The following NAALADL2 variants were observed in gnomAD, a reference collection of about 807,000 sequenced individuals.
The protein encoded by NAALADL2 is inactive N-acetylated-alpha-linked acidic dipeptidase-like protein 2.
A neutral mutation model predicts 87.2 loss-of-function variants in NAALADL2; 76 were observed. The observed-to-expected ratio is 0.87, with a 90% CI of 0.72 to 1.05. The LOEUF (loss-of-function observed/expected upper bound fraction) is 1.05. Among genes scored for constraint, NAALADL2 ranks in the 50% least tolerant of loss-of-function variants. The probability of loss-of-function intolerance (pLI) is 0.00; values close to 1 mark genes in which losing one functional copy is unlikely to be tolerated. For missense variants in NAALADL2, 1,089 were observed against 945.8 expected, an observed-to-expected ratio of 1.15 and a Z score of -1.99; for synonymous variants, 354 against 331.0, an observed-to-expected ratio of 1.07 and a Z score of -0.75.
intron 9 of NAALADL2, among the ~76,000 whole-genome samples, chr3:175,558,194 C>CAAAAAAAAAAAAAAAAAAAA (rs71164638): frequency 1.2e-5 from 1 of 82,434 alleles, no homozygotes; most frequent in African/African-American, 4.6e-5. Context: ...GACCCCGTCT[C>CAAAAAAAAAAAAAAAAAAAA]AAAAAAAAAA....
chr3:174,991,268 C>G (rs1746704952), intron 1 of NAALADL2, among the ~76,000 whole-genome samples: 1 of 151,972 alleles, frequency 6.6e-6, no homozygotes. Context: ...AGACAATTTT[C>G]CTTGCTTTCA....
intron 1 of NAALADL2, among the ~76,000 whole-genome samples, chr3:174,870,367 T>C: frequency 6.6e-6 from 1 of 152,114 alleles, no homozygotes; most frequent in African/African-American, 2.4e-5. Context: ...TGTGTAACAT[T>C]AGGAAAGCAT....
intron 2 of NAALADL2, among the ~76,000 whole-genome samples, chr3:175,141,905 C>T (rs1730054717): frequency 6.6e-6 from 1 of 151,980 alleles, no homozygotes; most frequent in African/African-American, 2.4e-5. Flanking sequence ...ATTTGGAAGG[C>T]CAGCAGAATC....
intron 9 of NAALADL2, among the ~76,000 whole-genome samples, chr3:175,553,612 A>G (rs1714780500): frequency 6.6e-6 from 1 of 151,018 alleles, no homozygotes; most frequent in Non-Finnish European, 1.5e-5. Flanking sequence ...TGCTTCAAAA[A>G]GCACAGCTCC....
At chr3:174,892,091 CAAG>C (rs924856792) in intron 1 of NAALADL2, among the ~76,000 whole-genome samples, 3 of 152,036 alleles carry the variant, frequency 2.0e-5, no homozygotes, top group African/African-American at 7.2e-5. Context: ...AAAGTTTTCC[CAAG>C]AAGAACAGCT....
intron 11 of NAALADL2, among the ~76,000 whole-genome samples, chr3:175,635,408 A>G (rs897457193): frequency 6.6e-6 from 1 of 152,128 alleles, no homozygotes; most frequent in Non-Finnish European, 1.5e-5. Context: ...CTATTCTTTT[A>G]TCATACTTTT....
intron 9 of NAALADL2, among the ~76,000 whole-genome samples, chr3:175,493,083 A>G (rs536036377): frequency 2.6e-5 from 4 of 152,220 alleles, no homozygotes; most frequent in Admixed American, 6.5e-5. Flanking sequence ...ATAAATATGT[A>G]TGTATTTATA....
intron 1 of NAALADL2, among the ~76,000 whole-genome samples, chr3:175,018,267 A>C (rs1751108257): frequency 6.6e-6 from 1 of 152,040 alleles, no homozygotes; most frequent in Non-Finnish European, 1.5e-5. Flanking sequence ...TATCTTTTAT[A>C]AAGTCCTGTA....
At position 174,676,345 on chromosome 3, in the gene NAALADL2, A is replaced by G. The variant is rs1405107638; in HGVS notation, c.-114-61296A>G. Among the ~76,000 whole-genome samples the G allele has an allele frequency of 6.6e-5, 10 of 152,058 alleles. No homozygotes were observed. In the East Asian group the frequency reaches 1.9e-3, roughly 29 times the overall value. On this transcript the variant is annotated intron_variant, in intron 2 of 3. Coordinates refer to the NAALADL2 transcript ENST00000434257. ...GATAATCCTTGGAATTAGTTCAACC[A>G]TTTTATATGAACAATTTGCATATAT...
intron 2 of NAALADL2, among the ~76,000 whole-genome samples, chr3:175,173,801 A>G (rs1735247135): frequency 6.6e-6 from 1 of 152,210 alleles, no homozygotes; most frequent in Non-Finnish European, 1.5e-5. Context: ...TGCTCTCAGC[A>G]TAGTTTGTTG....
At chr3:175,389,865 G>A (rs1461943383) in intron 5 of NAALADL2, among the ~76,000 whole-genome samples, 9 of 152,092 alleles carry the variant, frequency 5.9e-5, no homozygotes, top group Non-Finnish European at 1.3e-4. Flanking sequence ...AACACTAGAA[G>A]AATATTTGTC....
chr3:174,979,472 A>C (rs1002277562), intron 1 of NAALADL2, among the ~76,000 whole-genome samples: 6 of 151,318 alleles, frequency 4.0e-5, no homozygotes, highest in African/African-American at 1.5e-4. Context: ...CGCCCGGCTA[A>C]TTTTTTGTAT....
chr3:175,213,604 G>T (rs1742081792), intron 2 of NAALADL2, among the ~76,000 whole-genome samples: 1 of 152,176 alleles, frequency 6.6e-6, no homozygotes, highest in Non-Finnish European at 1.5e-5. Context: ...CATTTACATA[G>T]TGTAGTAGGT....
chr3:174,927,819 A>G (rs1398038637), intron 1 of NAALADL2, among the ~76,000 whole-genome samples: 1 of 152,200 alleles, frequency 6.6e-6, no homozygotes, highest in Non-Finnish European at 1.5e-5. Flanking sequence ...AAGAGCAAAC[A>G]CATTCAAAAG....
At chr3:175,228,995 G>A (rs773303360) in intron 2 of NAALADL2, among the ~76,000 whole-genome samples, 1 of 151,702 alleles carries the variant, frequency 6.6e-6, no homozygotes, top group Non-Finnish European at 1.5e-5. Context: ...ATTTACTAAC[G>A]TAATCCACCA....
chr3:175,787,852 G>C (rs887737395), intron 13 of NAALADL2, among the ~76,000 whole-genome samples: 1 of 152,074 alleles, frequency 6.6e-6, no homozygotes, highest in African/African-American at 2.4e-5. Flanking sequence ...AAATTACAAA[G>C]TTCATAAAGT....
chr3:174,549,804 T>G (rs1237711650), intron 1 of NAALADL2, among the ~76,000 whole-genome samples: 1 of 151,920 alleles, frequency 6.6e-6, no homozygotes, highest in Non-Finnish European at 1.5e-5. Context: ...ACATAGCCAA[T>G]CTCTCAGGAA....
intron 5 of NAALADL2, among the ~76,000 whole-genome samples, chr3:175,326,705 G>A (rs1408385461): frequency 6.6e-6 from 1 of 152,142 alleles, no homozygotes; most frequent in East Asian, 1.9e-4. Context: ...GTGGTGGAAG[G>A]CATAATGGTA....
At chr3:174,876,823 A>G (rs1728566375) in intron 1 of NAALADL2, among the ~76,000 whole-genome samples, 1 of 152,140 alleles carries the variant, frequency 6.6e-6, no homozygotes. Flanking sequence ...TTGGGCTGCT[A>G]AAACAAAATA....
Sources: allele counts gnomAD v4.1 joint callset (sites outside exome capture counted in the v4.1 genomes callset), GRCh38; gene constraint gnomAD v4.1.1; transcripts MANE v1.5; gene names NCBI Gene and HGNC (gene_info 2026-07-23, HGNC 2026-07-21).